IFIH1: variants seen among roughly 807,000 people sequenced by gnomAD.
IFIH1 encodes the protein interferon induced with helicase C domain 1.
A neutral mutation model predicts 107.4 loss-of-function variants in IFIH1; 125 were observed. The ratio of observed to expected loss-of-function variants is 1.16; its 90% CI spans 1.01 to 1.35. The LOEUF (loss-of-function observed/expected upper bound fraction) is 1.35. IFIH1 is among the 40% of genes most tolerant of loss of function. The pLI is 0.00. For missense variants in IFIH1, 1,333 were observed against 1,213.7 expected (o/e 1.10, Z -1.46); for synonymous variants, 458 against 413.2 (o/e 1.11, Z -1.31).
chr2:162,267,185 A>G lies in IFIH1; in HGVS notation c.*15T>C. 1 of 1,532,616 alleles carries G rather than the reference A, an allele frequency of 6.5e-7. No individual in the cohort carries two copies. Among genetic ancestry groups the G allele is most frequent in the Non-Finnish European group, 8.8e-7 (1 of 1,135,010 alleles). 94.9% of individuals were successfully genotyped at this position (1,532,616 alleles called of 1,614,324 possible). On this transcript the variant is annotated 3_prime_UTR_variant, in exon 16 of 16. Coordinates refer to ENST00000649979, the MANE Select transcript of IFIH1 (RefSeq NM_022168.4). ...GTTTAACTGATAGTATTTTAAAAGAATCTTCAATCAAGTGCTAATCCTCAT... is the reference window on the plus strand; with the variant it reads ...GTTTAACTGATAGTATTTTAAAAGAGTCTTCAATCAAGTGCTAATCCTCAT...
intron 11 of IFIH1, among the ~76,000 whole-genome samples, chr2:162,274,565 T>C (rs1364598946): frequency 6.6e-6 from 1 of 152,004 alleles, no homozygotes. Context: ...GGTAAATATA[T>C]TATCAATTCA....
Position 162,302,279 on chromosome 2 carries a change from C to T in IFIH1, c.769+4430G>A, listed in dbSNP as rs1217436332. On this transcript the variant is annotated intron_variant, in intron 3 of 15. Transcript: ENST00000649979. Reference sequence around the variant, plus strand: ...TATAAATAATTAATATTTGCATGCACTAAGACTACTATGCACTGAGAAAAT... The same window carrying T: ...TATAAATAATTAATATTTGCATGCATTAAGACTACTATGCACTGAGAAAAT... Among the ~76,000 whole-genome samples, 3 of 152,076 alleles carry T rather than the reference C, an allele frequency of 2.0e-5. No individual in the cohort carries two copies. In the South Asian group the frequency reaches 6.2e-4, roughly 32 times the overall value.
Position 162,272,271 on chromosome 2 carries a change from AGCTT to A in IFIH1, c.2567_2570del (p.Lys856IlefsTer8), listed in dbSNP as rs764990040. 1.2e-6 allele frequency: 2 copies of A among 1,612,840 alleles called. No individual in the cohort carries two copies. Among genetic ancestry groups the A allele is most frequent in the Non-Finnish European group, 1.7e-6 (2 of 1,179,290 alleles). On this transcript the variant is annotated frameshift_variant, in exon 13 of 16. Transcript: ENST00000649979. LOFTEE classifies it high-confidence loss of function. Reference sequence around the variant, plus strand: ...GTTTCATATTTTGAACACAATGTATAGCTTTATACATCATCTTCTCTCGGAAATC... The same window carrying A: ...GTTTCATATTTTGAACACAATGTATATATACATCATCTTCTCTCGGAAATC...
At chr2:162,295,197 C>A (rs1683064575) in intron 3 of IFIH1, among the ~76,000 whole-genome samples, 1 of 152,016 alleles carries the variant, frequency 6.6e-6, no homozygotes, top group Non-Finnish European at 1.5e-5. Flanking sequence ...GTTATCTAAT[C>A]TGGTTTCTGT....
At chr2:162,290,523 C>T (rs1682978598) in intron 4 of IFIH1, among the ~76,000 whole-genome samples, 2 of 151,824 alleles carry the variant, frequency 1.3e-5, no homozygotes, top group African/African-American at 4.8e-5. Context: ...TTTACTGCTA[C>T]TTAAGTAGGC....
rs751929858 is a variant in IFIH1, at chr2:162,276,842, C to T, written c.2149G>A (p.Glu717Lys). 6.2e-7 allele frequency: 1 copy of T among 1,613,846 alleles called. No individual in the cohort carries two copies. The highest frequency in any genetic ancestry group is 1.7e-5 in the Admixed American group (1 of 59,960). ...GTAAAGATTATTCCTCGTGCTGATT[C>T]CTCAGTCCTAGTATATTGCTCCATT... is the stretch of plus-strand genomic sequence containing the variant. ...TIMEQYTRTE[E>K]SARGIIFTKT... Residue 717 changes from glutamate (E) to lysine (K), a missense_variant, in exon 11 of 16, where the codon GAA becomes AAA. Physicochemically the swap from Glu to Lys is moderately conservative, Grantham distance 56. Transcript: ENST00000649979.
At chr2:162,303,079 C>A (rs1284354715) in intron 3 of IFIH1, among the ~76,000 whole-genome samples, 1 of 152,138 alleles carries the variant, frequency 6.6e-6, no homozygotes, top group African/African-American at 2.4e-5. Context: ...TGGGCCGACA[C>A]CTCCCTCAGT....
chr2:162,270,664 A>C (rs548746927), intron 13 of IFIH1, among the ~76,000 whole-genome samples: 35 of 152,290 alleles, frequency 2.3e-4, no homozygotes, highest in African/African-American at 8.2e-4. Context: ...CTTAAACTCC[A>C]GAGATTGTCC....
At chr2:162,283,195 G>A (rs868028631) in intron 5 of IFIH1, among the ~76,000 whole-genome samples, 3 of 151,848 alleles carry the variant, frequency 2.0e-5, no homozygotes. Flanking sequence ...GAAGCAACAG[G>A]CCCACAGGAC....
At chr2:162,297,274 T>C (rs1683107910) in intron 3 of IFIH1, among the ~76,000 whole-genome samples, 1 of 152,120 alleles carries the variant, frequency 6.6e-6, no homozygotes, top group Admixed American at 6.6e-5. Context: ...TTTATCTTGT[T>C]TTGTTCTTTG....
intron 12 of IFIH1, 114 bp downstream of exon 12, chr2:162,273,681 G>T: frequency 2.5e-6 from 2 of 797,224 alleles, no homozygotes; most frequent in Non-Finnish European, 3.9e-6. Flanking sequence ...ACAGGAAAAA[G>T]GCTTTGTTTT....
intron 1 of IFIH1, among the ~76,000 whole-genome samples, chr2:162,314,987 T>C (rs1278391652): frequency 1.3e-5 from 2 of 152,170 alleles, no homozygotes; most frequent in African/African-American, 2.4e-5. Context: ...CACAAACCTA[T>C]GTATAAAGTC....
In IFIH1 at chr2:162,318,386, C is replaced by T; in HGVS notation, c.-79G>A. 8.6e-7 allele frequency: 1 copy of T among 1,168,020 alleles called. No individual in the cohort carries two copies. The highest frequency in any genetic ancestry group is 1.3e-6 in the Non-Finnish European group (1 of 799,432). 72.4% of individuals were successfully genotyped at this position (1,168,020 alleles called of 1,614,324 possible). ...TGCGGGACAGGTGAAATGTGCGTGC[C>T]GCTGTCCGCTGCCCACTTAGAGAAG... is the stretch of plus-strand genomic sequence containing the variant. On this transcript the variant is annotated 5_prime_UTR_variant, in exon 1 of 16. Coordinates refer to ENST00000649979, the MANE Select transcript of IFIH1 (RefSeq NM_022168.4).
chr2:162,312,305 C>T (rs1057495470), intron 1 of IFIH1, among the ~76,000 whole-genome samples: 2 of 152,044 alleles, frequency 1.3e-5, no homozygotes, highest in African/African-American at 2.4e-5. Context: ...GGGATATTTC[C>T]GTCTTAGCAT....
In IFIH1 at chr2:162,318,020, G is replaced by C; in HGVS notation, c.288C>G (p.Asn96Lys). 1 of 1,614,192 alleles carries C rather than the reference G, an allele frequency of 6.2e-7. No homozygotes were observed. The highest frequency in any genetic ancestry group is 1.3e-5 in the African/African-American group (1 of 75,058). Residue 96 changes from asparagine to lysine, a missense_variant, in exon 1 of 16, where the codon AAC becomes AAG. Physicochemically the swap from Asn to Lys is moderately conservative, Grantham distance 94 (BLOSUM62 0). Transcript: ENST00000649979. ...GAGAGGGCAAGTCCGTGAGCTCAGG[G>C]TTCATGTAGCGGGCGGCCAGAGGGC... ...TGSPLAARYM[N>K]PELTDLPSPS...
At chr2:162,306,583 T>C in intron 3 of IFIH1, 126 bp downstream of exon 3, 1 of 586,964 alleles carries the variant, frequency 1.7e-6, no homozygotes, top group Admixed American at 3.5e-5. Context: ...CTAAAAATAT[T>C]ATTTTAATAT....
At chr2:162,276,331 A>G (rs80011490) in intron 11 of IFIH1, among the ~76,000 whole-genome samples, 3,062 of 152,310 alleles carry the variant, frequency 0.02, 110 homozygotes, top group African/African-American at 0.071. Context: ...GGCTGAGCGC[A>G]GTGGCTCGTG....
In IFIH1 at chr2:162,276,810, T is replaced by C. The variant is rs551122868; in HGVS notation, c.2181A>G (p.Thr727=). The C allele has an allele frequency of 6.2e-6, 10 of 1,614,080 alleles. No homozygotes were observed. Among genetic ancestry groups the C allele is most frequent in the South Asian group, 1.1e-5 (1 of 91,088 alleles). ...GGGAAAGCGCATATGCACTCTGTCG[T>C]GTTTTTGTAAAGATTATTCCTCGTG... is the stretch of plus-strand genomic sequence containing the variant. The part of the protein sequence containing the change: ...ESARGIIFTK[T]RQSAYALSQW... Residue 727 remains threonine (T), a synonymous_variant, in exon 11 of 16, where the codon ACA becomes ACG. Coordinates refer to ENST00000649979, the MANE Select transcript of IFIH1 (RefSeq NM_022168.4).
chr2:162,292,231 T>C (rs957698311), intron 4 of IFIH1, among the ~76,000 whole-genome samples: 1 of 151,788 alleles, frequency 6.6e-6, no homozygotes, highest in African/African-American at 2.4e-5. Flanking sequence ...CTATTTTGAG[T>C]TCTAGCATAG....
Sources: allele counts gnomAD v4.1 joint callset (sites outside exome capture counted in the v4.1 genomes callset), GRCh38; gene constraint gnomAD v4.1.1; transcripts MANE v1.5; gene names NCBI Gene and HGNC (gene_info 2026-07-23, HGNC 2026-07-21).